The following GRAMD1C variants were observed in gnomAD, a reference collection of about 807,000 sequenced individuals.
The protein encoded by GRAMD1C is GRAM domain containing 1C.
GRAMD1C carries 89 observed loss-of-function variants against 97.8 expected under a neutral mutation model. The ratio of observed to expected loss-of-function variants is 0.91; its 90% confidence interval spans 0.77 to 1.09. The LOEUF (loss-of-function observed/expected upper bound fraction) is 1.09. Ranked by LOEUF, GRAMD1C falls within the 50% of genes least tolerant of loss-of-function variation. GRAMD1C has a pLI of 0.00. For synonymous variants in GRAMD1C, 256 were observed against 267.0 expected (o/e 0.96, Z 0.40); for missense variants, 740 against 766.4 (o/e 0.97, Z 0.41).
intron 2 of GRAMD1C, among the ~76,000 whole-genome samples, chr3:113,854,444 C>T (rs905052443): frequency 2.0e-5 from 3 of 152,062 alleles, no homozygotes; most frequent in Non-Finnish European, 4.4e-5. Flanking sequence ...TCTTAAAAAG[C>T]GTGGTGTCCT....
chr3:113,887,702 C>T (rs73230236), intron 6 of GRAMD1C, among the ~76,000 whole-genome samples: 42,338 of 122,778 alleles, frequency 0.34, 7,849 homozygotes, highest in East Asian at 0.61. Flanking sequence ...TGCGAGACTC[C>T]GTCTCCAAAA....
upstream of GRAMD1C, among the ~76,000 whole-genome samples, chr3:113,835,082 A>G (rs1709616036): frequency 6.6e-6 from 1 of 152,122 alleles, no homozygotes; most frequent in Non-Finnish European, 1.5e-5. Context: ...CTTTAAATAC[A>G]TGACCATTAA....
chr3:113,859,447 T>C (rs1321555651), intron 2 of GRAMD1C, among the ~76,000 whole-genome samples: 1 of 152,214 alleles, frequency 6.6e-6, no homozygotes, highest in Non-Finnish European at 1.5e-5. Flanking sequence ...TCAGAAAATA[T>C]ACACTGTTTG....
Position 113,919,540 on chromosome 3 carries a change from T to C in GRAMD1C, c.1090+3702T>C, listed in dbSNP as rs1332423669. The C allele has an allele frequency of 5.4e-6, 3 of 553,618 alleles. No individual in the cohort carries two copies. The East Asian group carries it at 1.4e-4, about 26-fold the overall frequency. The allele number at this position is 553,618 out of a possible 1,614,324, so 34.3% of individuals were successfully genotyped here. On this transcript the variant is annotated intron_variant, in intron 10 of 17. Transcript: ENST00000358160. ...GAGAACTGACTCAGAGAAGAAGTTA[T>C]GATTTTGAGTTTATGCAAGTTAAAA...
chr3:113,885,270 C>G lies in GRAMD1C; in HGVS notation c.540+2438C>G. 2.2e-6 allele frequency: 3 copies of G among 1,365,400 alleles called. No homozygotes were observed. In the South Asian group the frequency reaches 3.6e-5, roughly 17 times the overall value. The allele number at this position is 1,365,400 out of a possible 1,614,324, so 84.6% of individuals were successfully genotyped here. A position where few individuals can be genotyped will look rare whatever the true frequency, so the allele number is the denominator to read the frequency against. On this transcript the variant is annotated intron_variant, in intron 6 of 17. Transcript: ENST00000358160. ...GGCGGAGCTGGGCCGTGGGGGCCTC[C>G]GGGGCCGGCGGTGCCGGGGTCATCC...
At chr3:113,838,387 C>CA (rs1709675073), upstream of GRAMD1C, 1 of 152,460 alleles carries the variant, frequency 6.6e-6, no homozygotes, top group Non-Finnish European at 1.5e-5. Context: ...GCCTGACCCA[C>CA]ATGGTGAAAC....
chr3:113,914,889 G>A (rs1936747943), intron 9 of GRAMD1C, among the ~76,000 whole-genome samples: 1 of 152,096 alleles, frequency 6.6e-6, no homozygotes, highest in African/African-American at 2.4e-5. Context: ...TCATAGCATT[G>A]CAGTGAGAAT....
intron 3 of GRAMD1C, among the ~76,000 whole-genome samples, chr3:113,874,555 G>A (rs1934954760): frequency 6.6e-6 from 1 of 152,130 alleles, no homozygotes. Context: ...ATGTTGGCCA[G>A]GTTGGTCTTG....
intron 1 of GRAMD1C, among the ~76,000 whole-genome samples, chr3:113,841,186 G>C (rs578111368): frequency 6.0e-4 from 91 of 151,910 alleles, no homozygotes; most frequent in South Asian, 3.5e-3. Context: ...GAACCATGAG[G>C]TACCATTCAT....
chr3:113,882,765 CT>C lies in GRAMD1C; in HGVS notation c.477del (p.Phe159LeufsTer20). ...TTTTCTTTGCAGTTTTTCTTCACAT[CT>C]TTTGGTGCCAGGGATAGAAGTTACC... ...VTESEKFFFT[S>X]FGARDRSYLS... On this transcript the variant is annotated frameshift_variant, in exon 6 of 18. Transcript: ENST00000358160. LOFTEE classifies it high-confidence loss of function. 1.9e-6 allele frequency: 3 copies of C among 1,582,714 alleles called. No homozygotes were observed. Among genetic ancestry groups the C allele is most frequent in the Non-Finnish European group, 2.6e-6 (3 of 1,151,702 alleles).
chr3:113,885,459 T>C, intron 6 of GRAMD1C: 4 of 1,586,788 alleles, frequency 2.5e-6, no homozygotes, highest in Non-Finnish European at 1.7e-6. Context: ...TGTCCCGGAA[T>C]TGGCTAGCCC....
At chr3:113,914,316 G>A (rs1936720965) in intron 9 of GRAMD1C, among the ~76,000 whole-genome samples, 1 of 152,186 alleles carries the variant, frequency 6.6e-6, no homozygotes, top group Non-Finnish European at 1.5e-5. Context: ...GAAGGGAGAA[G>A]CAAATCAATA....
chr3:113,837,083 T>C (rs1709643378), upstream of GRAMD1C, among the ~76,000 whole-genome samples: 1 of 151,616 alleles, frequency 6.6e-6, no homozygotes, highest in Non-Finnish European at 1.5e-5. Context: ...CTCCCTCCCT[T>C]CCTTCCTTCT....
At chr3:113,837,596 G>A (rs570571310), upstream of GRAMD1C, among the ~76,000 whole-genome samples, 5 of 152,280 alleles carry the variant, frequency 3.3e-5, no homozygotes, top group Middle Eastern at 3.4e-3. Flanking sequence ...GGTTGAAAGC[G>A]TTATTATTGA....
rs1251582162 is a variant in GRAMD1C, at chr3:113,889,491, ATGGT to A, written c.540+6662_540+6665del. ...ACAACGTGTCCTGAAATTAGCGGTG[ATGGT>A]TGTTTAACTTTGGATATGTGAAAAC... On this transcript the variant is annotated intron_variant, in intron 6 of 17. Transcript: ENST00000358160. Among the ~76,000 whole-genome samples, 5 of 152,318 alleles carry A rather than the reference ATGGT, an allele frequency of 3.3e-5. No homozygotes were observed. The East Asian group carries it at 9.6e-4, about 29-fold the overall frequency.
chr3:113,885,600 C>T (rs571503619), intron 6 of GRAMD1C: 109 of 1,531,062 alleles, frequency 7.1e-5, no homozygotes, highest in Non-Finnish European at 1.1e-5. Context: ...AATAGACAAA[C>T]ATTCTGTCCG....
chr3:113,900,593 G>A (rs1405492288), intron 6 of GRAMD1C, among the ~76,000 whole-genome samples: 1 of 142,256 alleles, frequency 7.0e-6, no homozygotes, highest in South Asian at 2.4e-4. Flanking sequence ...GCCAATTTTT[G>A]TATTTTTTTT....
chr3:113,925,989 T>C (rs1937218665), intron 10 of GRAMD1C, among the ~76,000 whole-genome samples: 1 of 152,200 alleles, frequency 6.6e-6, no homozygotes, highest in African/African-American at 2.4e-5. Context: ...TAATATTTTT[T>C]GTTTCACGTT....
At chr3:113,888,643 A>T (rs1038995358) in intron 6 of GRAMD1C, among the ~76,000 whole-genome samples, 2 of 152,218 alleles carry the variant, frequency 1.3e-5, no homozygotes, top group African/African-American at 4.8e-5. Context: ...CCTATTTGTT[A>T]ATTATACTTC....
Sources: gnomAD v4.1 joint callset for allele counts (sites outside exome capture counted in the v4.1 genomes callset) on GRCh38, gnomAD v4.1.1 for gene constraint, MANE v1.5 for transcripts, NCBI Gene and HGNC (gene_info 2026-07-23, HGNC 2026-07-21) for gene names.